The following STK26 variants were observed in gnomAD, a reference collection of about 807,000 sequenced individuals.
The protein encoded by STK26 is serine/threonine kinase 26, also known as serine/threonine-protein kinase 26.
In STK26, 14 loss-of-function variants were observed where a neutral mutation model predicts 34.7. The ratio of observed to expected loss-of-function variants is 0.40; its 90% CI spans 0.27 to 0.63. The LOEUF (loss-of-function observed/expected upper bound fraction) is 0.63. Among genes scored for constraint, STK26 ranks in the 30% least tolerant of loss-of-function variants. STK26 has a pLI of 0.38. For missense variants in STK26, 226 were observed against 309.1 expected (o/e 0.73, Z 2.02); for synonymous variants, 100 against 109.8 (o/e 0.91, Z 0.56).
rs745865925 is a variant in STK26, at chrX:132,038,947, A to T, written c.42+15288A>T. On this transcript the variant is annotated intron_variant, in intron 2 of 11. Transcript: ENST00000394334. ...CTAGGAATATTTACAGACACTACAT[A>T]CTGTATTGTTTACATTATTGACTTT... Among the ~76,000 whole-genome samples the T allele has an allele frequency of 2.7e-5, 3 of 112,036 alleles. No homozygotes were observed. In the South Asian group the frequency reaches 1.1e-3, roughly 41 times the overall value.
intron 2 of STK26, among the ~76,000 whole-genome samples, chrX:132,037,440 T>C (rs1926093502): frequency 8.9e-6 from 1 of 112,239 alleles, no homozygotes; most frequent in African/African-American, 3.2e-5. Flanking sequence ...TAGGATTGAA[T>C]TGAACATTAT....
rs1396046896 is a variant in STK26, at chrX:132,044,709, A to ATC, written c.43-9920_43-9919dup. On this transcript the variant is annotated intron_variant, in intron 2 of 11. Coordinates refer to ENST00000394334, the MANE Select transcript of STK26 (RefSeq NM_016542.4). The stretch of plus-strand genomic sequence containing the variant: ...TATATAGAGAGAGAGAGAGAGAGAG[A>ATC]TCTATATATATATTTATATATATAT... Among the ~76,000 whole-genome samples the ATC allele has an allele frequency of 2.5e-4, 16 of 64,966 alleles. 3 individuals carry two copies. The highest frequency in any genetic ancestry group is 1.2e-4 in the Non-Finnish European group (4 of 34,323). 56.4% of individuals were successfully genotyped at this position (64,966 alleles called of 115,157 possible).
chrX:132,023,697 T>A (rs1379727710), intron 2 of STK26, 38 bp downstream of exon 2: 1 of 1,165,594 alleles, frequency 8.6e-7, no homozygotes, highest in South Asian at 1.9e-5. Context: ...CCCACGTGAC[T>A]GCTTGGGAGC....
intron 2 of STK26, among the ~76,000 whole-genome samples, chrX:132,051,770 G>A (rs992743480): frequency 4.6e-5 from 5 of 108,770 alleles, no homozygotes; most frequent in African/African-American, 1.7e-4. Flanking sequence ...GGCAGGCCCT[G>A]GTGTATGATG....
intron 9 of STK26, 78 bp downstream of exon 9, chrX:132,072,439 G>A: frequency 1.2e-6 from 1 of 859,116 alleles, no homozygotes; most frequent in Non-Finnish European, 1.7e-6. Context: ...GCCTAAAATT[G>A]TTAGGATTGA....
At chrX:132,050,895 C>A (rs982711259) in intron 2 of STK26, among the ~76,000 whole-genome samples, 3 of 111,510 alleles carry the variant, frequency 2.7e-5, no homozygotes, top group Non-Finnish European at 5.7e-5. Context: ...GATGTCGAGA[C>A]TAGTGTTCAA....
chrX:132,030,866 A>C (rs1016256890), intron 2 of STK26, among the ~76,000 whole-genome samples: 2 of 111,781 alleles, frequency 1.8e-5, no homozygotes, highest in Non-Finnish European at 3.8e-5. Context: ...ACACAGAACT[A>C]AAATTTTGAC....
chrX:132,024,040 G>C (rs1327265550), intron 2 of STK26, among the ~76,000 whole-genome samples: 2 of 111,323 alleles, frequency 1.8e-5, no homozygotes, highest in African/African-American at 3.3e-5. Context: ...CGAGTAGTGA[G>C]TGCCCTACAC....
intron 2 of STK26, among the ~76,000 whole-genome samples, chrX:132,025,283 G>A (rs1378315474): frequency 1.8e-5 from 2 of 111,960 alleles, no homozygotes; most frequent in South Asian, 3.7e-4. Flanking sequence ...TTGTGTGCGC[G>A]AGCCTGCGTG....
intron 2 of STK26, among the ~76,000 whole-genome samples, chrX:132,040,930 A>G (rs1926241761): frequency 8.9e-6 from 1 of 111,902 alleles, no homozygotes; most frequent in Non-Finnish European, 1.9e-5. Flanking sequence ...GTATGTCACA[A>G]TTGTCAAAGG....
intron 7 of STK26, among the ~76,000 whole-genome samples, chrX:132,069,871 C>T (rs774019121): frequency 2.9e-4 from 32 of 109,965 alleles, no homozygotes; most frequent in Non-Finnish European, 5.3e-4. Flanking sequence ...TCGTTTTTTT[C>T]TTGATCCTCA....
intron 2 of STK26, among the ~76,000 whole-genome samples, chrX:132,044,787 T>TTATA (rs1294929869): frequency 2.9e-5 from 1 of 34,299 alleles, no homozygotes; most frequent in Non-Finnish European, 5.3e-5. Flanking sequence ...ATATATATAT[T>TTATA]TATATATATA....
At chrX:132,066,024 A>G (rs1927208077) in intron 4 of STK26, among the ~76,000 whole-genome samples, 1 of 111,684 alleles carries the variant, frequency 9.0e-6, no homozygotes, top group Non-Finnish European at 1.9e-5. Context: ...AATAAGAGGG[A>G]TGTTTAGCAG....
At chrX:132,023,819 T>C (rs1376979487) in intron 2 of STK26, among the ~76,000 whole-genome samples, 160 bp downstream of exon 2, 2 of 112,445 alleles carry the variant, frequency 1.8e-5, no homozygotes, top group Non-Finnish European at 3.8e-5. Context: ...TGGAGGTGTT[T>C]CCTGGTGTGT....
In STK26 at chrX:132,069,669, T is replaced by TA. The variant is rs754418547; in HGVS notation, c.783+7dup. The TA allele has an allele frequency of 9.7e-7, 1 of 1,031,883 alleles. No individual in the cohort carries two copies. Among genetic ancestry groups the TA allele is most frequent in the South Asian group, 3.3e-5 (1 of 29,919 alleles). The allele number at this position is 1,031,883 out of a possible 1,213,427, so 85.0% of individuals were successfully genotyped here. A position where few individuals can be genotyped will look rare whatever the true frequency, so the allele number is the denominator to read the frequency against. On this transcript the variant is annotated splice_region_variant and intron_variant, in intron 7 of 11. Coordinates refer to ENST00000394334, the MANE Select transcript of STK26 (RefSeq NM_016542.4). ...TGAACAAAGATCCATCATTTGTGAG[T>TA]ATATATTGCTATTATTACTATTTGT... is the stretch of plus-strand genomic sequence containing the variant.
chrX:132,061,401 C>T (rs1373734615), intron 3 of STK26, among the ~76,000 whole-genome samples: 1 of 111,629 alleles, frequency 9.0e-6, no homozygotes, highest in Non-Finnish European at 1.9e-5. Flanking sequence ...TTATATGAAC[C>T]TTTCCTGGAA....
At chrX:132,054,607 T>C (rs757101543) in intron 2 of STK26, 24 bp from the exon 3 acceptor site, 1 of 1,148,692 alleles carries the variant, frequency 8.7e-7, no homozygotes. Context: ...GTTCTTTCTT[T>C]TTCTCGTTCC....
At chrX:132,023,775 C>G (rs1297710419) in intron 2 of STK26, 116 bp downstream of exon 2, 1 of 901,950 alleles carries the variant, frequency 1.1e-6, no homozygotes, top group Non-Finnish European at 1.5e-6. Flanking sequence ...AGGGCAGGGC[C>G]GGTCACTATG....
intron 9 of STK26, 92 bp from the exon 10 acceptor site, chrX:132,072,721 G>A (rs1927455673): frequency 2.2e-6 from 2 of 926,032 alleles, no homozygotes; most frequent in East Asian, 6.3e-5. Flanking sequence ...TTTTCAGTAG[G>A]GGATTCAAAT....
Sources: allele counts gnomAD v4.1 joint callset (sites outside exome capture counted in the v4.1 genomes callset), GRCh38; gene constraint gnomAD v4.1.1; transcripts MANE v1.5; gene names NCBI Gene and HGNC (gene_info 2026-07-23, HGNC 2026-07-21).